Variants in NRCAM observed in about 807,000 individuals in gnomAD.
NRCAM encodes the protein neuronal cell adhesion molecule, also known as NgCAM-related cell adhesion molecule.
A neutral mutation model predicts 156.5 loss-of-function variants in NRCAM; 83 were observed. The observed-to-expected ratio is 0.53, with a 90% CI of 0.44 to 0.64. The LOEUF is 0.64. Among genes scored for constraint, NRCAM ranks in the 30% least tolerant of loss-of-function variants. NRCAM has a pLI of 0.00. For missense variants in NRCAM, 1,417 were observed against 1,597.3 expected (o/e 0.89, Z 1.92); for synonymous variants, 538 against 563.9 (o/e 0.95, Z 0.65).
chr7:108,421,639 T>A (rs1205255345), intron 1 of NRCAM, among the ~76,000 whole-genome samples: 1 of 152,242 alleles, frequency 6.6e-6, no homozygotes, highest in Admixed American at 6.5e-5. Flanking sequence ...TGATGTCAAT[T>A]CTGTTTATTA....
chr7:108,175,446 A>C, intron 27 of NRCAM, 89 bp from the exon 28 acceptor site: 1 of 1,163,438 alleles, frequency 8.6e-7, no homozygotes. Flanking sequence ...ACACTTATTA[A>C]AATGCTAAAG....
intron 2 of NRCAM, among the ~76,000 whole-genome samples, chr7:108,321,927 T>C (rs1462433704): frequency 6.6e-6 from 1 of 152,190 alleles, no homozygotes; most frequent in Non-Finnish European, 1.5e-5. Context: ...AAACCAGATG[T>C]AAAGACAGGC....
intron 28 of NRCAM, among the ~76,000 whole-genome samples, chr7:108,172,424 C>T: frequency 6.6e-6 from 1 of 152,070 alleles, no homozygotes; most frequent in East Asian, 1.9e-4. Context: ...GCCTCCCGGG[C>T]AGCTAGGACT....
chr7:108,441,019 G>T (rs1271359090), intron 1 of NRCAM, among the ~76,000 whole-genome samples: 1 of 152,182 alleles, frequency 6.6e-6, no homozygotes, highest in Non-Finnish European at 1.5e-5. Context: ...GCCCGTTAAT[G>T]TCAACTGGAT....
intron 3 of NRCAM, among the ~76,000 whole-genome samples, chr7:108,256,607 C>A (rs2096675368): frequency 6.6e-6 from 1 of 151,928 alleles, no homozygotes; most frequent in Non-Finnish European, 1.5e-5. Context: ...GAGAAACACC[C>A]AAGAATGATC....
intron 4 of NRCAM, among the ~76,000 whole-genome samples, chr7:108,239,613 T>C (rs1369410000): frequency 6.6e-6 from 1 of 152,062 alleles, no homozygotes; most frequent in Non-Finnish European, 1.5e-5. Context: ...GTGGCTCATA[T>C]AGTTTTCTTG....
intron 25 of NRCAM, 22 bp downstream of exon 25, chr7:108,180,201 T>G (rs1172639620): frequency 6.2e-7 from 1 of 1,609,224 alleles, no homozygotes; most frequent in Non-Finnish European, 8.5e-7. Flanking sequence ...CCTGAGATCT[T>G]AGAGACACGT....
intron 2 of NRCAM, among the ~76,000 whole-genome samples, chr7:108,372,926 T>C (rs775070489): frequency 2.6e-5 from 4 of 152,062 alleles, no homozygotes; most frequent in Non-Finnish European, 5.9e-5. Flanking sequence ...CTAATCACAA[T>C]AGCCAAGATG....
At chr7:108,366,950 G>A (rs775474972) in intron 2 of NRCAM, among the ~76,000 whole-genome samples, 11 of 152,060 alleles carry the variant, frequency 7.2e-5, no homozygotes, top group Non-Finnish European at 1.2e-4. Context: ...TATTATTTTC[G>A]TACCCCAGAG....
chr7:108,365,099 G>C (rs557840013), intron 2 of NRCAM, among the ~76,000 whole-genome samples: 2 of 152,258 alleles, frequency 1.3e-5, no homozygotes, highest in South Asian at 4.1e-4. Flanking sequence ...TATAATCTTT[G>C]AAGAGACTTA....
chr7:108,277,092 G>A (rs2097661256), intron 3 of NRCAM, among the ~76,000 whole-genome samples: 1 of 152,224 alleles, frequency 6.6e-6, no homozygotes, highest in Non-Finnish European at 1.5e-5. Flanking sequence ...TAGGGTTTCT[G>A]CAGAGAGATC....
intron 2 of NRCAM, among the ~76,000 whole-genome samples, chr7:108,314,347 CAAG>C (rs2154188245): frequency 6.6e-6 from 1 of 152,218 alleles, no homozygotes; most frequent in Admixed American, 6.5e-5. Context: ...ACATTTAGGT[CAAG>C]AGAATAGGGT....
At chr7:108,430,455 G>T (rs1468614067) in intron 1 of NRCAM, among the ~76,000 whole-genome samples, 1 of 152,154 alleles carries the variant, frequency 6.6e-6, no homozygotes, top group African/African-American at 2.4e-5. Context: ...TAGATGTAGG[G>T]TATGGAAGAA....
chr7:108,449,856 C>T (rs1848363534), intron 1 of NRCAM, among the ~76,000 whole-genome samples: 1 of 151,968 alleles, frequency 6.6e-6, no homozygotes, highest in Admixed American at 6.6e-5. Flanking sequence ...TTGCATATTA[C>T]CCAGTGGAAG....
At chr7:108,208,484 C>T (rs1432717517) in intron 12 of NRCAM, among the ~76,000 whole-genome samples, 16 of 152,184 alleles carry the variant, frequency 1.1e-4, no homozygotes, top group South Asian at 4.1e-4. Flanking sequence ...AGTTACCTAA[C>T]GAAAAGTTAA....
At chr7:108,350,949 C>A (rs921958833) in intron 2 of NRCAM, among the ~76,000 whole-genome samples, 5 of 152,048 alleles carry the variant, frequency 3.3e-5, no homozygotes, top group Admixed American at 2.0e-4. Context: ...ATTCTTAATT[C>A]TTGGGAATGT....
intron 28 of NRCAM, among the ~76,000 whole-genome samples, chr7:108,171,712 C>T (rs113598878): frequency 1.3e-3 from 196 of 152,208 alleles, no homozygotes; most frequent in African/African-American, 4.3e-3. Flanking sequence ...TCTTTCTATA[C>T]GTTGGTCTTA....
At chr7:108,190,122 A>C (rs1442700847) in intron 19 of NRCAM, among the ~76,000 whole-genome samples, 1 of 152,266 alleles carries the variant, frequency 6.6e-6, no homozygotes, top group East Asian at 1.9e-4. Context: ...CAACTGCTGA[A>C]AAAAGAAATA....
At chr7:108,450,966 C>G (rs1849602829) in intron 1 of NRCAM, among the ~76,000 whole-genome samples, 2 of 152,196 alleles carry the variant, frequency 1.3e-5, no homozygotes, top group South Asian at 4.1e-4. Context: ...CGCTTGTAAT[C>G]TCAGCACTTT....
Sources: gnomAD v4.1 joint callset for allele counts (sites outside exome capture counted in the v4.1 genomes callset) on GRCh38, gnomAD v4.1.1 for gene constraint, MANE v1.5 for transcripts, NCBI Gene and HGNC (gene_info 2026-07-23, HGNC 2026-07-21) for gene names.